NFIA: variants seen among roughly 807,000 people sequenced by gnomAD.
The protein encoded by NFIA is nuclear factor 1 A-type.
A neutral mutation model predicts 62.8 loss-of-function variants in NFIA; 8 were observed. That is an observed-to-expected ratio of 0.13 (90% CI 0.07 to 0.23). The LOEUF (loss-of-function observed/expected upper bound fraction) is 0.23, where lower values mean the gene tolerates loss of function less well. NFIA is among the 10% of genes least tolerant of loss of function. The pLI, the probability that NFIA is intolerant of heterozygous loss-of-function variation, is 1.00. For synonymous variants in NFIA, 235 were observed against 238.1 expected (o/e 0.99, Z 0.12); for missense variants, 410 against 642.1 (o/e 0.64, Z 3.91).
At chr1:61,178,878 A>G (rs1364047734) in intron 2 of NFIA, among the ~76,000 whole-genome samples, 2 of 152,226 alleles carry the variant, frequency 1.3e-5, no homozygotes, top group Non-Finnish European at 2.9e-5. Context: ...CATATACTCA[A>G]TAACGGATGC....
At chr1:61,445,564 A>G (rs112107119) in intron 10 of NFIA, among the ~76,000 whole-genome samples, 2,866 of 152,340 alleles carry the variant, frequency 0.019, 38 homozygotes, top group Non-Finnish European at 0.031. Context: ...TTTTGTTGCC[A>G]TAAAACCCTA....
At chr1:61,177,652 A>AT (rs944992161) in intron 2 of NFIA, among the ~76,000 whole-genome samples, 1 of 122,138 alleles carries the variant, frequency 8.2e-6, no homozygotes, top group African/African-American at 3.2e-5. Context: ...TGTTTTCTCT[A>AT]TTGTGTGTGT....
At chr1:61,441,292 G>GGTGTGTGTGTGTGTGTGTGTGTGTGT (rs763246425) in intron 10 of NFIA, among the ~76,000 whole-genome samples, 2 of 139,370 alleles carry the variant, frequency 1.4e-5, no homozygotes, top group African/African-American at 5.4e-5. Context: ...GCCGTGCAGG[G>GGTGTGTGTGTGTGTGTGTGTGTGTGT]GTGTGTGTGT....
intron 2 of NFIA, among the ~76,000 whole-genome samples, chr1:61,232,122 A>AAACAG (rs1204781737): frequency 1.3e-5 from 2 of 152,108 alleles, no homozygotes; most frequent in Non-Finnish European, 2.9e-5. Flanking sequence ...CACAAAGATT[A>AAACAG]AACAGAACAG....
At chr1:61,201,948 TAA>T (rs370818020) in intron 2 of NFIA, among the ~76,000 whole-genome samples, 1 of 148,502 alleles carries the variant, frequency 6.7e-6, no homozygotes, top group Admixed American at 6.7e-5. Context: ...AAGAAAATCT[TAA>T]AAAAAAAACA....
intron 10 of NFIA, among the ~76,000 whole-genome samples, chr1:61,453,443 C>CTTTTTTTTTTTTTTTTTT (rs11336299): frequency 5.1e-5 from 4 of 78,868 alleles, no homozygotes; most frequent in African/African-American, 5.1e-5. Flanking sequence ...TGTGAAGAAA[C>CTTTTTTTTTTTTTTTTTT]TTTTTTTTTT....
chr1:61,213,506 T>C (rs1017517040), intron 2 of NFIA, among the ~76,000 whole-genome samples: 1 of 152,332 alleles, frequency 6.6e-6, no homozygotes, highest in African/African-American at 2.4e-5. Context: ...TGATAGATCA[T>C]TTAAATCTGT....
chr1:61,266,443 G>T (rs1262404865), intron 2 of NFIA, among the ~76,000 whole-genome samples: 1 of 151,764 alleles, frequency 6.6e-6, no homozygotes, highest in Non-Finnish European at 1.5e-5. Flanking sequence ...GCAGTGGCAC[G>T]ATCTCAGCTC....
rs577635334 is a variant in NFIA, at chr1:61,088,745, G to C, written c.559+65G>C. The C allele has an allele frequency of 2.0e-6, 3 of 1,524,122 alleles. No individual in the cohort carries two copies. Among genetic ancestry groups the C allele is most frequent in the Admixed American group, 3.9e-5 (2 of 51,702 alleles). 94.4% of individuals were successfully genotyped at this position (1,524,122 alleles called of 1,614,324 possible). ...GTGTTTCTTTCCTGATGGCCTCCGC[G>C]TTATGCCGGATTCTTCCTGAGCTCC... On this transcript the variant is annotated intron_variant, in intron 2 of 10. Transcript: ENST00000403491. This position sits in a 1 kb window ranked among gnomAD's most constrained non-coding sequence, Gnocchi z 4.5.
Position 61,276,110 on chromosome 1 carries a change from A to G in NFIA, c.560-1410A>G, listed in dbSNP as rs369805926. Among the ~76,000 whole-genome samples the G allele has an allele frequency of 1.2e-4, 18 of 152,318 alleles. No individual in the cohort carries two copies. The South Asian group carries it at 1.9e-3, about 16-fold the overall frequency. ...CTCAAATAAAAATTCACTTTTTAGCATCTTCTGTTATTTAAACCTTTGAAT... is the reference window on the plus strand; with the variant it reads ...CTCAAATAAAAATTCACTTTTTAGCGTCTTCTGTTATTTAAACCTTTGAAT... On this transcript the variant is annotated intron_variant, in intron 2 of 10. Coordinates refer to ENST00000403491, the MANE Select transcript of NFIA (RefSeq NM_001134673.4).
intron 2 of NFIA, among the ~76,000 whole-genome samples, chr1:61,244,572 T>C (rs55996531): frequency 3.9e-4 from 59 of 152,330 alleles, no homozygotes; most frequent in Non-Finnish European, 7.8e-4. Flanking sequence ...TTACAAATGA[T>C]GGACTTAAAT....
At chr1:61,250,279 G>C (rs1655940788) in intron 2 of NFIA, among the ~76,000 whole-genome samples, 1 of 152,154 alleles carries the variant, frequency 6.6e-6, no homozygotes, top group Non-Finnish European at 1.5e-5. Context: ...AATGCCTTCT[G>C]TAAGCATGGC....
intron 2 of NFIA, among the ~76,000 whole-genome samples, chr1:61,182,467 TGCAA>T (rs1188373747): frequency 6.6e-6 from 1 of 152,258 alleles, no homozygotes; most frequent in African/African-American, 2.4e-5. Context: ...ATTTTAGCTT[TGCAA>T]CAAATTCAAC....
intron 6 of NFIA, among the ~76,000 whole-genome samples, chr1:61,363,426 G>C (rs927546296): frequency 6.6e-6 from 1 of 152,094 alleles, no homozygotes; most frequent in African/African-American, 2.4e-5. Context: ...CCAACATGGA[G>C]AAACCCCATC....
chr1:61,273,004 T>C (rs1301972362), intron 2 of NFIA, among the ~76,000 whole-genome samples: 3 of 152,222 alleles, frequency 2.0e-5, no homozygotes, highest in Non-Finnish European at 4.4e-5. Context: ...ACTTAGGCTA[T>C]ATTATTTTTC....
chr1:61,240,863 G>A (rs77478817), intron 2 of NFIA, among the ~76,000 whole-genome samples: 3,210 of 151,984 alleles, frequency 0.021, 116 homozygotes, highest in African/African-American at 0.072. Flanking sequence ...ATGTTGAAAC[G>A]TAAGGGAAAA....
chr1:61,340,506 C>T (rs1176739889), intron 4 of NFIA, among the ~76,000 whole-genome samples: 1 of 152,104 alleles, frequency 6.6e-6, no homozygotes, highest in Non-Finnish European at 1.5e-5. Flanking sequence ...AGTCTAAGTC[C>T]AAGTACTGGA....
intron 9 of NFIA, 119 bp from the exon 10 acceptor site, chr1:61,426,346 A>G (rs910595455): frequency 1.4e-6 from 1 of 694,448 alleles, no homozygotes; most frequent in African/African-American, 1.8e-5. Flanking sequence ...TGCTAGCTAC[A>G]GTGTTTGCAC....
chr1:61,152,539 A>C (rs1278739095), intron 2 of NFIA, among the ~76,000 whole-genome samples: 2 of 152,186 alleles, frequency 1.3e-5, no homozygotes, highest in Non-Finnish European at 2.9e-5. Flanking sequence ...CCATAATTAA[A>C]GGTCTGTCAG....
Sources: allele counts gnomAD v4.1 joint callset (sites outside exome capture counted in the v4.1 genomes callset), GRCh38; gene constraint gnomAD v4.1.1; non-coding constraint Gnocchi (gnomAD v3.1); transcripts MANE v1.5; gene names NCBI Gene and HGNC (gene_info 2026-07-23, HGNC 2026-07-21).